The following FIZ1 variants were observed in gnomAD, a reference collection of about 807,000 sequenced individuals.
The protein encoded by FIZ1 is flt3-interacting zinc finger protein 1.
In FIZ1, 2 loss-of-function variants were observed where a neutral mutation model predicts 5.3. That is an observed-to-expected ratio of 0.37 (90% CI 0.15 to 1.18). The LOEUF (loss-of-function observed/expected upper bound fraction) is 1.18. FIZ1 is among the 50% of genes most tolerant of loss of function. FIZ1 has a pLI of 0.37. For missense variants in FIZ1, 631 were observed against 749.7 expected (o/e 0.84, Z 1.85); for synonymous variants, 407 against 364.2 (o/e 1.12, Z -1.34).
chr19:55,596,571 A>C (rs1358346370), intron 2 of FIZ1, among the ~76,000 whole-genome samples: 1 of 147,636 alleles, frequency 6.8e-6, no homozygotes, highest in Non-Finnish European at 1.5e-5. Flanking sequence ...GATTCCTCAC[A>C]CTGCAGGTTG....
rs575774295 is a variant in FIZ1 at position 55,592,225 on chromosome 19, C to A, written c.*225G>T. 204 of 554,982 alleles carry A rather than the reference C, an allele frequency of 3.7e-4. 2 individuals carry two copies. The highest frequency in any genetic ancestry group is 3.4e-3 in the African/African-American group (177 of 51,828). 34.4% of individuals were successfully genotyped at this position (554,982 alleles called of 1,614,324 possible). The stretch of plus-strand genomic sequence containing the variant: ...TCAGGAGTCTCTCCCTAGATTTGGG[C>A]TCCCCTGCCCCAGCTAAGGACCCTG... On this transcript the variant is annotated 3_prime_UTR_variant, in exon 3 of 3. Transcript: ENST00000221665. The surrounding 1 kb of genome is among the most constrained non-coding windows in gnomAD (Gnocchi z 6.9).
Position 55,592,921 on chromosome 19 carries a change from C to A in FIZ1, c.1020G>T (p.Ala340=). ...GGTGACTGGCCAGGGCCGCGGCCGA[C>A]GCAAAGAAGGTCCCGCAGTCGCACT... is the stretch of plus-strand genomic sequence containing the variant. ...LYQCDCGTFF[A]SAAALASHLE... is the part of the protein sequence containing the mutation. Residue 340 remains alanine, a synonymous_variant, in exon 3 of 3, where the codon GCG becomes GCT. Coordinates refer to ENST00000221665, the MANE Select transcript of FIZ1 (RefSeq NM_032836.3). The surrounding 1 kb of genome is among the most constrained non-coding windows in gnomAD (Gnocchi z 6.9). 1 of 1,551,958 alleles carries A rather than the reference C, an allele frequency of 6.4e-7. No homozygotes were observed. Among genetic ancestry groups the A allele is most frequent in the Non-Finnish European group, 8.6e-7 (1 of 1,156,960 alleles).
At chr19:55,596,759 G>A (rs1980346499) in intron 2 of FIZ1, among the ~76,000 whole-genome samples, 1 of 152,174 alleles carries the variant, frequency 6.6e-6, no homozygotes, top group Admixed American at 6.5e-5. Flanking sequence ...TGCAACCTCT[G>A]CCTCCCGGGT....
At chr19:55,596,553 C>A (rs1226407177) in intron 2 of FIZ1, among the ~76,000 whole-genome samples, 1 of 152,014 alleles carries the variant, frequency 6.6e-6, no homozygotes, top group Non-Finnish European at 1.5e-5. Flanking sequence ...AATGCTCTTC[C>A]CAGGGAGGAT....
rs1337772188 is a variant in FIZ1, at chr19:55,591,746, C to T, written c.*704G>A. On this transcript the variant is annotated 3_prime_UTR_variant, in exon 3 of 3. Coordinates refer to ENST00000221665, the MANE Select transcript of FIZ1 (RefSeq NM_032836.3). ...TGGGGGTGTGTGCACATAGATCAGT[C>T]CATTCTACTGGGCAAGGGGATTTCA... is the stretch of plus-strand genomic sequence containing the variant. The T allele has an allele frequency of 6.6e-6, 1 of 152,648 alleles. No individual in the cohort carries two copies. Among genetic ancestry groups the T allele is most frequent in the Non-Finnish European group, 1.5e-5 (1 of 68,146 alleles). 9.5% of individuals were successfully genotyped at this position (152,648 alleles called of 1,614,324 possible).
At chr19:55,599,260 G>C (rs775966584) in intron 1 of FIZ1, 1 of 152,820 alleles carries the variant, frequency 6.5e-6, no homozygotes, top group Non-Finnish European at 1.5e-5. Flanking sequence ...CACTTGCCCA[G>C]TCTGCTCCAG....
rs769129758 is a variant in FIZ1, at chr19:55,597,847, G to T, written c.19C>A (p.Pro7Thr). 9 of 1,597,866 alleles carry T rather than the reference G, an allele frequency of 5.6e-6. No individual in the cohort carries two copies. Among genetic ancestry groups the T allele is most frequent in the Admixed American group, 1.7e-5 (1 of 57,164 alleles). Residue 7 changes from proline (P) to threonine (T), a missense_variant, in exon 2 of 3, where the codon CCA (proline) becomes ACA (threonine). This residue lies in a region of FIZ1 where 39 missense variants were observed against 34.3 expected (regional missense o/e 1.14). Coordinates refer to ENST00000221665, the MANE Select transcript of FIZ1 (RefSeq NM_032836.3). Reference protein sequence around the residue: MDDVPAPTPAPAPPAAA... With the variant: MDDVPATTPAPAPPAAA... ...GCGGGCGGTGCTGGTGCAGGGGTTGGGGCGGGGACGTCATCCATGGTGGCG... is the reference window on the plus strand; with the variant it reads ...GCGGGCGGTGCTGGTGCAGGGGTTGTGGCGGGGACGTCATCCATGGTGGCG...
rs1439847868 is a variant in FIZ1, at chr19:55,593,439, C to T, written c.502G>A (p.Ala168Thr). 4 of 1,535,044 alleles carry T rather than the reference C, an allele frequency of 2.6e-6. No individual in the cohort carries two copies. The South Asian group carries it at 3.6e-5, about 14-fold the overall frequency. The change falls in exon 3 of 3, where the codon GCC (alanine) becomes ACC (threonine). Residue 168 changes from alanine (A) to threonine (T), a missense_variant. Ala to Thr is a moderately conservative substitution (Grantham distance 58). Transcript: ENST00000221665. The surrounding 1 kb of genome is among the most constrained non-coding windows in gnomAD (Gnocchi z 6.3). ...GPCSVCGGSG[A>T]GGGEGPEGAG... Reference sequence around the variant, plus strand: ...CCCTCGGGGCCCTCTCCGCCGCCGGCCCCTGAGCCCCCGCACACCGAGCAG... The same window carrying T: ...CCCTCGGGGCCCTCTCCGCCGCCGGTCCCTGAGCCCCCGCACACCGAGCAG...
Position 55,593,271 on chromosome 19 carries a change from C to G in FIZ1, c.670G>C (p.Asp224His). The G allele has an allele frequency of 7.9e-7, 1 of 1,272,508 alleles. No individual in the cohort carries two copies. Among genetic ancestry groups the G allele is most frequent in the Non-Finnish European group, 1.0e-6 (1 of 1,001,498 alleles). The allele number at this position is 1,272,508 out of a possible 1,614,324, so 78.8% of individuals were successfully genotyped here. ...ELAAHWAAHT[D>H]VKPFKCPRCE... ...CGCGGGCACTTGAAGGGCTTCACGT[C>G]GGTGTGCGCCGCCCAGTGGGCCGCC... The change falls in exon 3 of 3, where the codon GAC (aspartate) becomes CAC (histidine). Residue 224 changes from aspartate to histidine, a missense_variant. Physicochemically the swap from Asp to His is moderately conservative, Grantham distance 81. Coordinates refer to ENST00000221665, the MANE Select transcript of FIZ1 (RefSeq NM_032836.3). This position sits in a 1 kb window ranked among gnomAD's most constrained non-coding sequence, Gnocchi z 6.3.
intron 2 of FIZ1, among the ~76,000 whole-genome samples, chr19:55,597,365 C>T (rs1302172716): frequency 6.6e-6 from 1 of 152,074 alleles, no homozygotes; most frequent in African/African-American, 2.4e-5. Flanking sequence ...TGTTCCAGTT[C>T]GTGGGTTGCT....
rs770123130 is a variant in FIZ1, at chr19:55,597,528, T to A, written c.294+44A>T. On this transcript the variant is annotated intron_variant, in intron 2 of 2. Coordinates refer to ENST00000221665, the MANE Select transcript of FIZ1 (RefSeq NM_032836.3). ...AGTGGGGCGCGGGATCCCACCGTAGTCCTGACCAGGGAGGCCAGCCTAGGG... is the reference window on the plus strand; with the variant it reads ...AGTGGGGCGCGGGATCCCACCGTAGACCTGACCAGGGAGGCCAGCCTAGGG... The A allele has an allele frequency of 4.4e-6, 7 of 1,583,846 alleles. No homozygotes were observed. The South Asian group carries it at 7.9e-5, about 18-fold the overall frequency.
rs1179164448 is a variant in FIZ1 at position 55,597,647 on chromosome 19, G to A, written c.219C>T (p.His73=). ...AGCAGCGGTAGGGCCGCTCCCCGGTGTGCGAGCGCAGGTGGTTGGCTAGGT... is the reference window on the plus strand; with the variant it reads ...AGCAGCGGTAGGGCCGCTCCCCGGTATGCGAGCGCAGGTGGTTGGCTAGGT... ...SFNLANHLRS[H]TGERPYRCSA... Residue 73 remains histidine (H), a synonymous_variant, in exon 2 of 3, where the codon CAC becomes CAT. Transcript: ENST00000221665. 2.5e-6 allele frequency: 4 copies of A among 1,613,868 alleles called. No homozygotes were observed. The highest frequency in any genetic ancestry group is 1.1e-5 in the South Asian group (1 of 91,076).
chr19:55,594,391 T>G (rs1980213062), intron 2 of FIZ1, among the ~76,000 whole-genome samples: 1 of 121,970 alleles, frequency 8.2e-6, no homozygotes, highest in Admixed American at 8.4e-5. Flanking sequence ...AGAGCGAGAC[T>G]CTGTCTCAAA....
chr19:55,595,775 C>T (rs1222138200), intron 2 of FIZ1: 4 of 152,216 alleles, frequency 2.6e-5, no homozygotes, highest in South Asian at 2.1e-4. Flanking sequence ...CGGAAAGCCT[C>T]GGACCCCAGA....
rs776655329 is a variant in FIZ1, at chr19:55,592,769, G to A, written c.1172C>T (p.Thr391Ile). ...HGEGGGEEAA[T>I]AAREREPASG... is the part of the protein sequence containing the mutation. ...CGCCGGTTCCCTTTCCCGGGCGGCG[G>A]TCGCCGCCTCCTCCCCGCCGCCCTC... The change falls in exon 3 of 3, where the codon ACC becomes ATC. Residue 391 changes from threonine (T) to isoleucine (I), a missense_variant. Thr to Ile is a moderately conservative substitution (Grantham distance 89). Transcript: ENST00000221665. The surrounding 1 kb of genome is among the most constrained non-coding windows in gnomAD (Gnocchi z 6.9). 94 of 1,596,714 alleles carry A rather than the reference G, an allele frequency of 5.9e-5. No individual in the cohort carries two copies. The East Asian group carries it at 7.4e-4, about 13-fold the overall frequency.
chr19:55,594,483 G>A (rs1383010607), intron 2 of FIZ1, among the ~76,000 whole-genome samples: 1 of 150,878 alleles, frequency 6.6e-6, no homozygotes, highest in Admixed American at 6.6e-5. Flanking sequence ...GGATCATGAG[G>A]TCAGGAGATC....
intron 1 of FIZ1, 109 bp downstream of exon 1, chr19:55,599,365 C>T (rs1464637522): frequency 6.6e-6 from 1 of 152,370 alleles, no homozygotes; most frequent in Non-Finnish European, 1.5e-5. Context: ...TCGGGCAGGC[C>T]CCGGGGCCAG....
At position 55,593,068 on chromosome 19, in the gene FIZ1, G is replaced by A. The variant is rs1400712444; in HGVS notation, c.873C>T (p.Arg291=). The A allele has an allele frequency of 4.1e-5, 56 of 1,360,730 alleles. No individual in the cohort carries two copies. Among genetic ancestry groups the A allele is most frequent in the Non-Finnish European group, 4.7e-5 (50 of 1,065,706 alleles). The allele number at this position is 1,360,730 out of a possible 1,614,324, so 84.3% of individuals were successfully genotyped here. A position where few individuals can be genotyped will look rare whatever the true frequency, so the allele number is the denominator to read the frequency against. The stretch of plus-strand genomic sequence containing the variant: ...CCCCCGCGGGGCCCAGGAGCAGCCT[G>A]CGGTCCGAAGCCAGAGGAGCGTCGC... ...EAGDAPLASD[R]RLLLGPAGGG... is the part of the protein sequence containing the mutation. The change falls in exon 3 of 3, where the codon CGC becomes CGT. Residue 291 remains arginine, a synonymous_variant. Transcript: ENST00000221665. The surrounding 1 kb of genome is among the most constrained non-coding windows in gnomAD (Gnocchi z 6.3).
intron 1 of FIZ1, 117 bp from the exon 2 acceptor site, chr19:55,598,018 C>T: frequency 9.1e-7 from 1 of 1,098,264 alleles, no homozygotes; most frequent in Non-Finnish European, 1.3e-6. Context: ...CTGCCCACCT[C>T]TCTAAGCCAC....
Sources: allele counts gnomAD v4.1 joint callset (sites outside exome capture counted in the v4.1 genomes callset), GRCh38; gene constraint gnomAD v4.1.1; regional missense constraint gnomAD v4.1.1; non-coding constraint Gnocchi (gnomAD v3.1); transcripts MANE v1.5; gene names NCBI Gene and HGNC (gene_info 2026-07-23, HGNC 2026-07-21).